RNF130: variants seen among roughly 807,000 people sequenced by gnomAD.
The protein encoded by RNF130 is ring finger protein 130.
Under a neutral mutation model 44.6 loss-of-function variants are expected in RNF130, and 21 were observed. The ratio of observed to expected loss-of-function variants is 0.47; its 90% confidence interval spans 0.33 to 0.68. The LOEUF (loss-of-function observed/expected upper bound fraction) is 0.68, where lower values mean the gene tolerates loss of function less well. RNF130 is among the 30% of genes least tolerant of loss of function. RNF130 has a pLI of 0.02. For missense variants in RNF130, 479 were observed against 560.6 expected (o/e 0.85, Z 1.47); for synonymous variants, 214 against 210.4 (o/e 1.02, Z -0.15).
chr5:179,978,113 G>C (rs1479908002), intron 5 of RNF130, 90 bp downstream of exon 5: 2 of 1,102,264 alleles, frequency 1.8e-6, no homozygotes, highest in African/African-American at 3.1e-5. Context: ...GGTGGGTGGC[G>C]CTCAAAAGCA....
At chr5:180,070,517 T>C (rs1247008519) in intron 1 of RNF130, among the ~76,000 whole-genome samples, 1 of 152,218 alleles carries the variant, frequency 6.6e-6, no homozygotes, top group East Asian at 1.9e-4. Flanking sequence ...TTTATTTAGG[T>C]TGCCTACTTT....
intron 7 of RNF130, among the ~76,000 whole-genome samples, chr5:179,941,496 G>C (rs1761968202): frequency 6.6e-6 from 1 of 152,110 alleles, no homozygotes; most frequent in Non-Finnish European, 1.5e-5. Context: ...CTTTCTGCTT[G>C]GTGGCCCATG....
chr5:179,923,138 T>C lies in RNF130; in HGVS notation c.1151-2712A>G, dbSNP rs1761658962. On this transcript the variant is annotated intron_variant, in intron 7 of 7. Transcript: ENST00000522208. ...GAATCCCAAGGTCACTAAGATTTTC[T>C]CGTACATGTTCATCTAGAAGCTTTA... 2.0e-5 allele frequency among the ~76,000 whole-genome samples: 3 copies of C among 152,200 alleles called. No individual in the cohort carries two copies. In the South Asian group the frequency reaches 6.2e-4, roughly 31 times the overall value.
chr5:179,948,238 G>T (rs1333902413), intron 7 of RNF130, among the ~76,000 whole-genome samples: 1 of 152,182 alleles, frequency 6.6e-6, no homozygotes, highest in African/African-American at 2.4e-5. Context: ...TTATACATGT[G>T]AACAACTCAG....
At chr5:180,031,409 C>T (rs192552989) in intron 2 of RNF130, among the ~76,000 whole-genome samples, 303 of 152,224 alleles carry the variant, frequency 2.0e-3, no homozygotes, top group Middle Eastern at 0.01. Flanking sequence ...ATTGCTTGAA[C>T]CCAGGAGGCG....
At chr5:180,030,809 G>A (rs1764115765) in intron 2 of RNF130, among the ~76,000 whole-genome samples, 1 of 152,110 alleles carries the variant, frequency 6.6e-6, no homozygotes, top group Non-Finnish European at 1.5e-5. Context: ...TTTTGTGTCT[G>A]GCTTCTTTCG....
intron 7 of RNF130, among the ~76,000 whole-genome samples, chr5:179,946,710 C>T (rs1345067100): frequency 3.3e-5 from 5 of 150,772 alleles, no homozygotes; most frequent in Admixed American, 2.0e-4. Flanking sequence ...CCCGCCACCA[C>T]GCCCGGCTAA....
At chr5:179,961,716 A>T (rs1762333720) in intron 8 of RNF130, among the ~76,000 whole-genome samples, 1 of 152,218 alleles carries the variant, frequency 6.6e-6, no homozygotes, top group South Asian at 2.1e-4. Flanking sequence ...TAAGCAAAAG[A>T]GGTGGCTGTG....
intron 1 of RNF130, among the ~76,000 whole-genome samples, chr5:180,054,885 A>G (rs988618425): frequency 6.6e-6 from 1 of 152,188 alleles, no homozygotes; most frequent in Non-Finnish European, 1.5e-5. Flanking sequence ...TTCAGTGCCA[A>G]TATTACTTTA....
At chr5:179,950,393 A>ATGG (rs1762108420), downstream of RNF130, among the ~76,000 whole-genome samples, 2 of 152,214 alleles carry the variant, frequency 1.3e-5, no homozygotes, top group African/African-American at 2.4e-5. Context: ...TTGGGATTAC[A>ATGG]GGTGTGAGCC....
At chr5:179,938,140 T>G (rs7709697) in intron 7 of RNF130, among the ~76,000 whole-genome samples, 8,748 of 151,920 alleles carry the variant, frequency 0.058, 785 homozygotes, top group African/African-American at 0.19. Flanking sequence ...TATTTTTTTG[T>G]AGAGATGGGG....
chr5:179,971,529 C>T (rs893483298), intron 5 of RNF130, among the ~76,000 whole-genome samples: 12 of 152,140 alleles, frequency 7.9e-5, no homozygotes, highest in African/African-American at 2.9e-4. Context: ...GCCACCACGC[C>T]CAGCCAATTT....
Position 180,071,558 on chromosome 5 carries a change from C to A in RNF130, c.145G>T (p.Gly49Cys). The A allele has an allele frequency of 7.0e-7, 1 of 1,433,502 alleles. No individual in the cohort carries two copies. The highest frequency in any genetic ancestry group is 9.2e-7 in the Non-Finnish European group (1 of 1,085,988). 88.8% of individuals were successfully genotyped at this position (1,433,502 alleles called of 1,614,324 possible). Residue 49 changes from glycine (G) to cysteine (C), a missense_variant, in exon 1 of 9, where the codon GGC becomes TGC. Coordinates refer to ENST00000521389, the MANE Select transcript of RNF130 (RefSeq NM_018434.6). ...TCGATGCGAAACGTGAGCGGGGCGC[C>A]GCGGCCGGGCTCCTGCACCGTCACG... is the stretch of plus-strand genomic sequence containing the variant. ...INVTVQEPGR[G>C]APLTFRIDRG...
chr5:180,006,415 A>G (rs1763464267), intron 3 of RNF130, among the ~76,000 whole-genome samples: 1 of 152,216 alleles, frequency 6.6e-6, no homozygotes, highest in Non-Finnish European at 1.5e-5. Context: ...AGGCAAATGC[A>G]TTCTCCAATT....
At chr5:180,053,892 C>T (rs1435761962) in intron 1 of RNF130, among the ~76,000 whole-genome samples, 1 of 150,970 alleles carries the variant, frequency 6.6e-6, no homozygotes, top group Admixed American at 6.6e-5. Flanking sequence ...TACAGTGGCA[C>T]GATCTCGGCT....
chr5:180,035,354 G>C (rs1561701339), intron 2 of RNF130, among the ~76,000 whole-genome samples: 1 of 152,154 alleles, frequency 6.6e-6, no homozygotes, highest in Non-Finnish European at 1.5e-5. Flanking sequence ...TTTAGTTGTG[G>C]TTGAAGAATA....
intron 3 of RNF130, among the ~76,000 whole-genome samples, chr5:179,986,819 T>G (rs1298195741): frequency 6.6e-6 from 1 of 152,214 alleles, no homozygotes; most frequent in Non-Finnish European, 1.5e-5. Flanking sequence ...GACATATATT[T>G]CTCCATTTTT....
At chr5:180,056,073 A>G (rs1442347489) in intron 1 of RNF130, among the ~76,000 whole-genome samples, 1 of 152,030 alleles carries the variant, frequency 6.6e-6, no homozygotes, top group Non-Finnish European at 1.5e-5. Flanking sequence ...GACAGAGCGA[A>G]ACTGGGTCTT....
intron 2 of RNF130, among the ~76,000 whole-genome samples, chr5:180,035,119 T>C (rs1184107656): frequency 6.6e-6 from 1 of 152,210 alleles, no homozygotes; most frequent in East Asian, 1.9e-4. Flanking sequence ...CTCTTTTTTA[T>C]AGTTTCCAAA....
Sources: gnomAD v4.1 joint callset for allele counts (sites outside exome capture counted in the v4.1 genomes callset) on GRCh38, gnomAD v4.1.1 for gene constraint, MANE v1.5 for transcripts, NCBI Gene and HGNC (gene_info 2026-07-23, HGNC 2026-07-21) for gene names.